ERBB2: variants seen among roughly 807,000 people sequenced by gnomAD.
ERBB2 encodes the protein receptor tyrosine-protein kinase erbB-2.
Under a neutral mutation model 149.0 loss-of-function variants are expected in ERBB2, and 61 were observed. That is an observed-to-expected ratio of 0.41 (90% confidence interval 0.33 to 0.51). The LOEUF is 0.51. Among genes scored for constraint, ERBB2 ranks in the 20% least tolerant of loss-of-function variants. ERBB2 has a pLI of 0.25. For synonymous variants in ERBB2, 633 were observed against 678.8 expected, an observed-to-expected ratio of 0.93 and a Z score of 1.05; for missense variants, 1,205 against 1,655.1, an observed-to-expected ratio of 0.73 and a Z score of 4.72.
rs376524324 is a variant in ERBB2, at chr17:39,708,345, G to A, written c.250G>A (p.Val84Met). The A allele has an allele frequency of 4.6e-5, 75 of 1,614,146 alleles. No individual in the cohort carries two copies. The highest frequency in any genetic ancestry group is 2.7e-4 in the Admixed American group (16 of 60,022). ...LQDIQEVQGY[V>M]LIAHNQVRQV... ...GGATATCCAGGAGGTGCAGGGCTAC[G>A]TGCTCATCGCTCACAACCAAGTGAG... The change falls in exon 3 of 27, where the codon GTG becomes ATG. Residue 84 changes from valine (V) to methionine (M), a missense_variant. Val to Met is a conservative substitution (Grantham distance 21). Around this residue, in one of 6 missense-constraint regions of ERBB2, gnomAD observed 569 missense variants for 803.5 expected, o/e 0.71. Transcript: ENST00000269571.
At position 39,713,683 on chromosome 17, in the gene ERBB2, G is replaced by A. The variant is rs574438952; in HGVS notation, c.1148+1235G>A. On this transcript the variant is annotated intron_variant, in intron 9 of 26. Coordinates refer to ENST00000269571, the MANE Select transcript of ERBB2 (RefSeq NM_004448.4). ...CAGGAGAATTGCATGAACTCGGGAG[G>A]TGGAGGTTGTAGTGAGCTGAGATTT... Among the ~76,000 whole-genome samples the A allele has an allele frequency of 5.9e-5, 9 of 151,746 alleles. No homozygotes were observed. The East Asian group carries it at 1.4e-3, about 23-fold the overall frequency.
In ERBB2 at chr17:39,717,411, A is replaced by C. The variant is rs2145709836; in HGVS notation, c.1829A>C (p.Tyr610Ser). ...AGCGGTGTGAAACCTGACCTCTCCT[A>C]CATGCCCATCTGGAAGTTTCCAGAT... ...CPSGVKPDLS[Y>S]MPIWKFPDEE... The change falls in exon 15 of 27, where the codon TAC becomes TCC. Residue 610 changes from tyrosine (Y) to serine (S), a missense_variant. Tyr to Ser is a moderately radical substitution (Grantham distance 144). Around this residue, in one of 6 missense-constraint regions of ERBB2, gnomAD observed 569 missense variants for 803.5 expected, o/e 0.71. Coordinates refer to ENST00000269571, the MANE Select transcript of ERBB2 (RefSeq NM_004448.4). The C allele has an allele frequency of 2.5e-6, 4 of 1,613,050 alleles. No individual in the cohort carries two copies. The highest frequency in any genetic ancestry group is 3.4e-6 in the Non-Finnish European group (4 of 1,179,924).
In ERBB2 at chr17:39,717,469, C is replaced by T. The variant is rs1474405021; in HGVS notation, c.1887C>T (p.Asn629=). The T allele has an allele frequency of 6.2e-7, 1 of 1,612,582 alleles. No homozygotes were observed. Among genetic ancestry groups the T allele is most frequent in the Non-Finnish European group, 8.5e-7 (1 of 1,179,452 alleles). The change falls in exon 15 of 27, where the codon AAC becomes AAT. Residue 629 remains asparagine (N), a synonymous_variant. Coordinates refer to ENST00000269571, the MANE Select transcript of ERBB2 (RefSeq NM_004448.4). ...EEGACQPCPI[N]CTHSCVDLDD... is the part of the protein sequence containing the mutation. ...GCGCATGCCAGCCTTGCCCCATCAA[C>T]TGCACCCACTCGTGAGTCCAACGGT...
chr17:39,711,631 C>T (rs1453742041), intron 7 of ERBB2, among the ~76,000 whole-genome samples: 1 of 152,178 alleles, frequency 6.6e-6, no homozygotes, highest in Non-Finnish European at 1.5e-5. Flanking sequence ...AGGGAGAGGA[C>T]AAAATGTAGA....
rs2058714388 is a variant in ERBB2 at position 39,710,201 on chromosome 17, G to A, written c.759G>A (p.Leu253=). Residue 253 remains leucine, a splice_region_variant and synonymous_variant, in exon 6 of 27, where the codon CTG becomes CTA. Coordinates refer to ENST00000269571, the MANE Select transcript of ERBB2 (RefSeq NM_004448.4). ...GCTGPKHSDC[L]ACLHFNHSGI... ...CGGGCCCCAAGCACTCTGACTGCCTGGTATGTGCCTCTGCTTTGTGCCCAA... is the reference window on the plus strand; with the variant it reads ...CGGGCCCCAAGCACTCTGACTGCCTAGTATGTGCCTCTGCTTTGTGCCCAA... 1 of 1,612,344 alleles carries A rather than the reference G, an allele frequency of 6.2e-7. No individual in the cohort carries two copies. Among genetic ancestry groups the A allele is most frequent in the Non-Finnish European group, 8.5e-7 (1 of 1,179,064 alleles).
upstream of ERBB2, chr17:39,699,993 CAGG>C (rs2057985804): frequency 3.2e-6 from 4 of 1,266,638 alleles, no homozygotes; most frequent in Non-Finnish European, 4.0e-6. Context: ...CTCCCAATCA[CAGG>C]AGAAGGAGGA....
intron 12 of ERBB2, 117 bp downstream of exon 12, chr17:39,716,056 C>T: frequency 3.5e-6 from 4 of 1,150,548 alleles, no homozygotes; most frequent in South Asian, 1.5e-5. Flanking sequence ...GTGCACCCTT[C>T]TTGACTCAGC....
Position 39,726,223 on chromosome 17 carries a change from A to G in ERBB2, c.2873-339A>G, listed in dbSNP as rs546584662. On this transcript the variant is annotated intron_variant, in intron 23 of 26. Transcript: ENST00000269571. The surrounding 1 kb of genome is among the most constrained non-coding windows in gnomAD (Gnocchi z 5.1). ...GTGGTGTGTGCCAGTAGTCCCAGCT[A>G]CTCAGGAGAGGCTGAGGCAGGAAGA... 8.9e-5 allele frequency: 37 copies of G among 417,770 alleles called. No individual in the cohort carries two copies. In the South Asian group the frequency reaches 9.4e-4, roughly 11 times the overall value. 25.9% of individuals were successfully genotyped at this position (417,770 alleles called of 1,614,324 possible).
rs762295163 is a variant in ERBB2 at position 39,700,188 on chromosome 17, C to T, written c.-51C>T. The T allele has an allele frequency of 2.2e-6, 3 of 1,383,304 alleles. No individual in the cohort carries two copies. Among genetic ancestry groups the T allele is most frequent in the Admixed American group, 3.3e-5 (1 of 30,088 alleles). 85.7% of individuals were successfully genotyped at this position (1,383,304 alleles called of 1,614,324 possible). On this transcript the variant is annotated 5_prime_UTR_variant, in exon 1 of 27. Transcript: ENST00000269571. Reference sequence around the variant, plus strand: ...CTCGCAGCACCCCGCGCCCCGCGCCCTCCCAGCCGGGTCCAGCCGGAGCCA... The same window carrying T: ...CTCGCAGCACCCCGCGCCCCGCGCCTTCCCAGCCGGGTCCAGCCGGAGCCA...
rs558783637 is a variant in ERBB2 at position 39,714,894 on chromosome 17, C to T, written c.1149-392C>T. Among the ~76,000 whole-genome samples the T allele has an allele frequency of 6.5e-4, 99 of 151,528 alleles. 1 individual carries two copies. Among genetic ancestry groups the T allele is most frequent in the African/African-American group, 2.3e-3 (93 of 41,212 alleles). On this transcript the variant is annotated intron_variant, in intron 9 of 26. Coordinates refer to ENST00000269571, the MANE Select transcript of ERBB2 (RefSeq NM_004448.4). ...AAGTGATTCTCCTGCCTCAGCCTCT[C>T]GAGTAACTGGGACTATAGGCGCGCG...
upstream of ERBB2, among the ~76,000 whole-genome samples, chr17:39,694,269 G>GTGTATATATATATATATACACATATATA (rs1567888186): frequency 5.6e-5 from 1 of 17,856 alleles, no homozygotes; most frequent in African/African-American, 1.7e-4. Flanking sequence ...ATATATATAT[G>GTGTATATATATATATATACACATATATA]TGTGTATATA....
chr17:39,702,210 G>A (rs1338160452), intron 1 of ERBB2, among the ~76,000 whole-genome samples: 1 of 152,228 alleles, frequency 6.6e-6, no homozygotes, highest in African/African-American at 2.4e-5. Flanking sequence ...TGAGGCAGGA[G>A]GATCACCTGA....
chr17:39,688,127 A>C, exon 1 of ERBB2: 2 of 1,043,832 alleles, frequency 1.9e-6, no homozygotes, highest in Non-Finnish European at 2.5e-6. Context: ...AAGTCCACAC[A>C]GTTTAAATTA....
intron 12 of ERBB2, 110 bp from the exon 13 acceptor site, chr17:39,716,191 C>A (rs1249791807): frequency 6.4e-6 from 8 of 1,256,686 alleles, no homozygotes; most frequent in Admixed American, 5.5e-5. Context: ...ATCGGCCCCA[C>A]CTGTCCCCAC....
chr17:39,709,839 G>A lies in ERBB2; in HGVS notation c.601G>A (p.Gly201Ser), dbSNP rs2058691141. The change falls in exon 5 of 27, where the codon GGC (glycine) becomes AGC (serine). Residue 201 changes from glycine to serine, a missense_variant. Coordinates refer to ENST00000269571, the MANE Select transcript of ERBB2 (RefSeq NM_004448.4). ...ACHPCSPMCK[G>S]SRCWGESSED... ...CCACCCCTGTTCTCCGATGTGTAAGGGCTCCCGCTGCTGGGGAGAGAGTTC... is the reference window on the plus strand; with the variant it reads ...CCACCCCTGTTCTCCGATGTGTAAGAGCTCCCGCTGCTGGGGAGAGAGTTC... The A allele has an allele frequency of 1.2e-6, 2 of 1,613,368 alleles. No homozygotes were observed. The highest frequency in any genetic ancestry group is 8.5e-7 in the Non-Finnish European group (1 of 1,180,026).
chr17:39,718,995 T>C (rs1207616644), intron 15 of ERBB2, among the ~76,000 whole-genome samples: 1 of 152,132 alleles, frequency 6.6e-6, no homozygotes, highest in African/African-American at 2.4e-5. Context: ...GCATGGTGGC[T>C]CACGCCTGTA....
chr17:39,694,243 A>G (rs1176098206), upstream of ERBB2, among the ~76,000 whole-genome samples: 22 of 32,536 alleles, frequency 6.8e-4, no homozygotes, highest in African/African-American at 1.7e-3. Flanking sequence ...ATATATATAT[A>G]TATATATATA....
In ERBB2 at chr17:39,723,795, A is replaced by AG. The variant is rs1442642026; in HGVS notation, c.2209-116dup. 1.6e-5 allele frequency: 23 copies of AG among 1,478,724 alleles called. No individual in the cohort carries two copies. The highest frequency in any genetic ancestry group is 2.1e-5 in the Non-Finnish European group (23 of 1,081,080). The allele number at this position is 1,478,724 out of a possible 1,614,324, so 91.6% of individuals were successfully genotyped here. A position where few individuals can be genotyped will look rare whatever the true frequency, so the allele number is the denominator to read the frequency against. On this transcript the variant is annotated intron_variant, in intron 18 of 26. Transcript: ENST00000269571. The surrounding 1 kb of genome is among the most constrained non-coding windows in gnomAD (Gnocchi z 6.2). ...GGAGGGCAGTTACAGCGGAGAAGGGAGCGGGGCCAAGCCCTAGGGTGGTGA... is the reference window on the plus strand; with the variant it reads ...GGAGGGCAGTTACAGCGGAGAAGGGAGGCGGGGCCAAGCCCTAGGGTGGTGA...
At chr17:39,697,927 C>T (rs965129390), upstream of ERBB2, among the ~76,000 whole-genome samples, 9 of 150,690 alleles carry the variant, frequency 6.0e-5, no homozygotes, top group Non-Finnish European at 7.4e-5. Flanking sequence ...CTCCTGACCT[C>T]GTGATCTGCC....
Sources: gnomAD v4.1 joint callset for allele counts (sites outside exome capture counted in the v4.1 genomes callset) on GRCh38, gnomAD v4.1.1 for gene constraint, gnomAD v4.1.1 regional missense constraint, Gnocchi (gnomAD v3.1) non-coding constraint, MANE v1.5 for transcripts, NCBI Gene and HGNC (gene_info 2026-07-23, HGNC 2026-07-21) for gene names.